Variants in WDR20 observed in about 807,000 individuals in gnomAD.
The protein encoded by WDR20 is WD repeat domain 20.
In WDR20, 3 loss-of-function variants were observed where a neutral mutation model predicts 38.7. The observed-to-expected ratio is 0.08, with a 90% CI of 0.04 to 0.20. The LOEUF is 0.20. WDR20 is among the 10% of genes least tolerant of loss of function. The pLI, the probability that WDR20 is intolerant of heterozygous loss-of-function variation, is 1.00. For synonymous variants in WDR20, 298 were observed against 285.6 expected (o/e 1.04, Z -0.44); for missense variants, 559 against 727.7 (o/e 0.77, Z 2.67).
chr14:102,180,110 A>G (rs2063062075), intron 1 of WDR20, among the ~76,000 whole-genome samples: 1 of 152,156 alleles, frequency 6.6e-6, no homozygotes, highest in Non-Finnish European at 1.5e-5. Flanking sequence ...CTGAGACTGC[A>G]CTCCAGCCTG....
downstream of WDR20, chr14:102,213,559 C>CA: frequency 1.0e-6 from 1 of 985,402 alleles, no homozygotes; most frequent in Non-Finnish European, 1.2e-6. Context: ...GGAAGAAATG[C>CA]AGTGACAGGA....
intron 1 of WDR20, among the ~76,000 whole-genome samples, chr14:102,166,646 G>C (rs1425330777): frequency 6.6e-6 from 1 of 151,976 alleles, no homozygotes; most frequent in Non-Finnish European, 1.5e-5. Context: ...TCTTTGTGTT[G>C]GTATACTATA....
intron 1 of WDR20, among the ~76,000 whole-genome samples, chr14:102,170,518 T>C (rs545515848): frequency 2.6e-5 from 4 of 152,300 alleles, no homozygotes; most frequent in African/African-American, 9.6e-5. Context: ...TTCTGGTGTT[T>C]CTTGTGCTAT....
chr14:102,191,309 G>A (rs2066344649), intron 1 of WDR20: 1 of 152,180 alleles, frequency 6.6e-6, no homozygotes, highest in Admixed American at 6.6e-5. Context: ...ATCTGCCAGG[G>A]GCTGATGACC....
downstream of WDR20, among the ~76,000 whole-genome samples, chr14:102,218,116 A>G (rs899261047): frequency 1.3e-5 from 2 of 152,208 alleles, no homozygotes; most frequent in Non-Finnish European, 2.9e-5. Context: ...CTCAGGAGAG[A>G]AGCGCTAGTC....
At chr14:102,145,880 G>A (rs1053239071) in intron 1 of WDR20, among the ~76,000 whole-genome samples, 2 of 152,048 alleles carry the variant, frequency 1.3e-5, no homozygotes, top group Admixed American at 6.5e-5. Context: ...GGTCACAAAT[G>A]TACTGCCCAG....
intron 2 of WDR20, among the ~76,000 whole-genome samples, chr14:102,206,142 A>T (rs1168260944): frequency 6.6e-6 from 1 of 152,130 alleles, no homozygotes; most frequent in African/African-American, 2.4e-5. Context: ...TCGCACTACC[A>T]TGCCCAGCTA....
rs2153069838 is a variant in WDR20 at position 102,221,582 on chromosome 14, T to C, written c.1693-1248T>C. Among the ~76,000 whole-genome samples the C allele has an allele frequency of 6.6e-6, 1 of 152,294 alleles. No individual in the cohort carries two copies. The highest frequency in any genetic ancestry group is 3.4e-3 in the Middle Eastern group (1 of 294). On this transcript the variant is annotated intron_variant, in intron 3 of 3. Transcript: ENST00000335263. The surrounding 1 kb of genome is among the most constrained non-coding windows in gnomAD (Gnocchi z 4.8). ...GGGTCCCAGAGGAAAAGCACTCCTA[T>C]AGACTCTGAGCAGGGGCAGCTGCCA...
chr14:102,216,750 C>T (rs2063266593), downstream of WDR20, among the ~76,000 whole-genome samples: 1 of 152,134 alleles, frequency 6.6e-6, no homozygotes, highest in Non-Finnish European at 1.5e-5. Context: ...GCCATCATGG[C>T]AAACCCCCAT....
At position 102,220,585 on chromosome 14, in the gene WDR20, T is replaced by C. The variant is rs1346562171; in HGVS notation, c.1693-2245T>C. Among the ~76,000 whole-genome samples the C allele has an allele frequency of 2.0e-5, 3 of 151,966 alleles. No homozygotes were observed. Among genetic ancestry groups the C allele is most frequent in the East Asian group, 1.9e-4 (1 of 5,154 alleles). ...ACTACAAAAAGTTAGCTGGGCGTGG[T>C]GGCAGGCGCCTGTAGTCCAAGGTAC... On this transcript the variant is annotated intron_variant, in intron 3 of 3. Coordinates refer to the WDR20 transcript ENST00000335263. The surrounding 1 kb of genome is among the most constrained non-coding windows in gnomAD (Gnocchi z 4.2).
Position 102,210,087 on chromosome 14 carries a change from A to G in WDR20, c.*207A>G. On this transcript the variant is annotated 3_prime_UTR_variant, in exon 3 of 3. Coordinates refer to ENST00000342702, the MANE Select transcript of WDR20 (RefSeq NM_144574.4). ...GCATTTAAAAAAATATAATCAAACT[A>G]ATTGCCAGCCAAGTCAGTCATCCTC... 2 of 1,339,578 alleles carry G rather than the reference A, an allele frequency of 1.5e-6. No homozygotes were observed. Among genetic ancestry groups the G allele is most frequent in the Non-Finnish European group, 1.9e-6 (2 of 1,049,896 alleles). 83.0% of individuals were successfully genotyped at this position (1,339,578 alleles called of 1,614,324 possible). A position where few individuals can be genotyped will look rare whatever the true frequency, so the allele number is the denominator to read the frequency against.
chr14:102,180,936 T>C (rs2063248109), intron 1 of WDR20, among the ~76,000 whole-genome samples: 1 of 152,224 alleles, frequency 6.6e-6, no homozygotes, highest in South Asian at 2.1e-4. Context: ...GGTGAGTATT[T>C]GGCTGCATGG....
At chr14:102,160,670 C>T (rs955505971) in intron 1 of WDR20, among the ~76,000 whole-genome samples, 6 of 151,790 alleles carry the variant, frequency 4.0e-5, no homozygotes, top group East Asian at 1.9e-4. Context: ...TGGCCGGGCG[C>T]GGTGGCTCAC....
chr14:102,139,490 G>A (rs2152632026), upstream of WDR20: 3 of 1,391,806 alleles, frequency 2.2e-6, no homozygotes, highest in South Asian at 1.4e-5. Flanking sequence ...TTGGGGTCCC[G>A]GCGCCCCTCA....
At chr14:102,142,319 G>A (rs2051559096) in intron 1 of WDR20, among the ~76,000 whole-genome samples, 1 of 151,960 alleles carries the variant, frequency 6.6e-6, no homozygotes, top group Non-Finnish European at 1.5e-5. Flanking sequence ...TGTTATTTCT[G>A]AGTATAAGTG....
chr14:102,188,389 A>G (rs1346857980), intron 1 of WDR20, among the ~76,000 whole-genome samples: 1 of 152,026 alleles, frequency 6.6e-6, no homozygotes, highest in Non-Finnish European at 1.5e-5. Context: ...ATTTCTGTCC[A>G]CTCAGCAGCA....
chr14:102,209,329 A>T lies in WDR20; in HGVS notation c.1159A>T (p.Ile387Phe), dbSNP rs1446612028. The change falls in exon 3 of 3, where the codon ATC (isoleucine) becomes TTC (phenylalanine). Residue 387 changes from isoleucine (I) to phenylalanine (F), a missense_variant. Transcript: ENST00000342702. This position sits in a 1 kb window ranked among gnomAD's most constrained non-coding sequence, Gnocchi z 6.0. ...CTGTTTATGGGACCTTACAGAAGATATCCTTTTCCCTCACCAACCCCTCTC... is the reference window on the plus strand; with the variant it reads ...CTGTTTATGGGACCTTACAGAAGATTTCCTTTTCCCTCACCAACCCCTCTC... ...QLCLWDLTED[I>F]LFPHQPLSRA... The T allele has an allele frequency of 6.2e-7, 1 of 1,614,182 alleles. No homozygotes were observed. The highest frequency in any genetic ancestry group is 1.7e-5 in the Admixed American group (1 of 60,032).
chr14:102,208,608 A>C lies in WDR20; in HGVS notation c.438A>C (p.Leu146=). ...GTTCTCCTTTGTCTTCACAGAGACTAATAGACAAGTCACGAGTTACCTGTG... is the reference window on the plus strand; with the variant it reads ...GTTCTCCTTTGTCTTCACAGAGACTCATAGACAAGTCACGAGTTACCTGTG... ...ETSKLFNEER[L]IDKSRVTCVK... is the part of the protein sequence containing the mutation. The change falls in exon 3 of 3, where the codon CTA becomes CTC. Residue 146 remains leucine (L), a synonymous_variant. Coordinates refer to ENST00000342702, the MANE Select transcript of WDR20 (RefSeq NM_144574.4). The surrounding 1 kb of genome is among the most constrained non-coding windows in gnomAD (Gnocchi z 5.6). 2 of 1,605,404 alleles carry C rather than the reference A, an allele frequency of 1.2e-6. No homozygotes were observed. The highest frequency in any genetic ancestry group is 1.7e-6 in the Non-Finnish European group (2 of 1,173,412).
At position 102,222,364 on chromosome 14, in the gene WDR20, GC is replaced by G. The variant is rs1191427847; in HGVS notation, c.1693-463del. Among the ~76,000 whole-genome samples the G allele has an allele frequency of 2.0e-5, 3 of 152,228 alleles. No homozygotes were observed. The highest frequency in any genetic ancestry group is 4.4e-5 in the Non-Finnish European group (3 of 68,052). On this transcript the variant is annotated intron_variant, in intron 3 of 3. Coordinates refer to the WDR20 transcript ENST00000335263. This position sits in a 1 kb window ranked among gnomAD's most constrained non-coding sequence, Gnocchi z 4.4. The stretch of plus-strand genomic sequence containing the variant: ...AAGCAAGAACCCCCCAGCAGAGAAT[GC>G]CCTTTCAAAGGTGCCACTGAACTCT...
Sources: allele counts gnomAD v4.1 joint callset (sites outside exome capture counted in the v4.1 genomes callset), GRCh38; gene constraint gnomAD v4.1.1; non-coding constraint Gnocchi (gnomAD v3.1); transcripts MANE v1.5; gene names NCBI Gene and HGNC (gene_info 2026-07-23, HGNC 2026-07-21).